The following PAM variants were observed in gnomAD, a reference collection of about 807,000 sequenced individuals.
PAM encodes peptidylglycine alpha-amidating monooxygenase, also known as peptidyl-glycine alpha-amidating monooxygenase.
In PAM, 72 loss-of-function variants were observed where a neutral mutation model predicts 122.1. The ratio of observed to expected loss-of-function variants is 0.59; its 90% confidence interval spans 0.49 to 0.72. PAM has a LOEUF of 0.72. Among genes scored for constraint, PAM ranks in the 30% least tolerant of loss-of-function variants. The probability of loss-of-function intolerance (pLI) is 0.00; values close to 1 mark genes in which losing one functional copy is unlikely to be tolerated. For missense variants in PAM, 1,106 were observed against 1,183.7 expected (o/e 0.93, Z 0.96); for synonymous variants, 389 against 404.4 (o/e 0.96, Z 0.46).
chr5:103,010,149 T>C (rs923323024), intron 21 of PAM, among the ~76,000 whole-genome samples: 1 of 152,206 alleles, frequency 6.6e-6, no homozygotes. Flanking sequence ...ATGGCAGGTT[T>C]TTAAATTCAC....
chr5:102,782,606 A>T (rs1759289303), intron 1 of PAM, among the ~76,000 whole-genome samples: 1 of 152,170 alleles, frequency 6.6e-6, no homozygotes, highest in Non-Finnish European at 1.5e-5. Flanking sequence ...GGATTTAGAG[A>T]TATTCCCAAA....
At chr5:102,879,239 T>A (rs1790216062) in intron 3 of PAM, among the ~76,000 whole-genome samples, 1 of 151,976 alleles carries the variant, frequency 6.6e-6, no homozygotes, top group African/African-American at 2.4e-5. Context: ...ACCAGAAAAA[T>A]GCTTAAATAA....
intron 3 of PAM, among the ~76,000 whole-genome samples, chr5:102,891,877 G>A (rs377057800): frequency 2.0e-5 from 3 of 151,860 alleles, no homozygotes; most frequent in Non-Finnish European, 4.4e-5. Flanking sequence ...ATCTACTGAT[G>A]AATAAACTTA....
chr5:103,001,640 A>C (rs751808981), intron 16 of PAM, among the ~76,000 whole-genome samples: 31 of 152,118 alleles, frequency 2.0e-4, no homozygotes, highest in Non-Finnish European at 4.0e-4. Context: ...ACTATACCCA[A>C]AAGACTGTAA....
intron 3 of PAM, among the ~76,000 whole-genome samples, chr5:102,868,626 C>T (rs1786363050): frequency 6.6e-6 from 1 of 152,150 alleles, no homozygotes; most frequent in Non-Finnish European, 1.5e-5. Flanking sequence ...AAGTGTGCCT[C>T]TTTTCTCACT....
At chr5:102,993,948 G>T (rs1774920609) in intron 16 of PAM, among the ~76,000 whole-genome samples, 2 of 152,106 alleles carry the variant, frequency 1.3e-5, no homozygotes, top group Admixed American at 1.3e-4. Context: ...CTGTGGCTTA[G>T]CCTGTGTCTT....
intron 1 of PAM, among the ~76,000 whole-genome samples, chr5:102,765,232 G>T (rs1276760274): frequency 6.6e-6 from 1 of 152,082 alleles, no homozygotes; most frequent in Non-Finnish European, 1.5e-5. Context: ...GAAAAGATTT[G>T]GCACCAGTAG....
intron 1 of PAM, among the ~76,000 whole-genome samples, chr5:102,771,780 A>G (rs1316723576): frequency 2.6e-5 from 4 of 152,114 alleles, no homozygotes; most frequent in Admixed American, 2.6e-4. Context: ...AGTTGAAAAT[A>G]ATGTTTTGTA....
chr5:102,783,828 C>A (rs116684409), intron 1 of PAM, among the ~76,000 whole-genome samples: 1 of 152,092 alleles, frequency 6.6e-6, no homozygotes. Flanking sequence ...CTCAGGAAGA[C>A]CTAATTGTAG....
intron 5 of PAM, among the ~76,000 whole-genome samples, chr5:102,918,979 C>T (rs540775659): frequency 4.6e-5 from 7 of 152,150 alleles, no homozygotes; most frequent in Admixed American, 1.3e-4. Flanking sequence ...TCTAATGACA[C>T]TTAGGACCAA....
chr5:102,953,432 G>A (rs1489142624), intron 12 of PAM, among the ~76,000 whole-genome samples: 1 of 152,144 alleles, frequency 6.6e-6, no homozygotes, highest in Non-Finnish European at 1.5e-5. Context: ...TCTGAAGGAT[G>A]TATTAAGTGA....
intron 8 of PAM, among the ~76,000 whole-genome samples, chr5:102,947,438 A>T (rs1757408886): frequency 6.6e-6 from 1 of 152,170 alleles, no homozygotes; most frequent in Admixed American, 6.6e-5. Flanking sequence ...AAAACCAAAC[A>T]TTGTATGTTC....
intron 24 of PAM, among the ~76,000 whole-genome samples, chr5:103,026,734 T>G (rs1338655303): frequency 6.6e-6 from 1 of 152,108 alleles, no homozygotes; most frequent in African/African-American, 2.4e-5. Flanking sequence ...TCAACCGAGC[T>G]CACAGAATAG....
At chr5:102,950,464 C>T (rs149505864) in intron 11 of PAM, among the ~76,000 whole-genome samples, 5 of 140,352 alleles carry the variant, frequency 3.6e-5, no homozygotes, top group Non-Finnish European at 6.1e-5. Flanking sequence ...TGTCTTCATC[C>T]TCTCTACCCA....
At chr5:103,005,518 C>T (rs1003828224) in intron 18 of PAM, among the ~76,000 whole-genome samples, 6 of 152,142 alleles carry the variant, frequency 3.9e-5, no homozygotes, top group Admixed American at 3.9e-4. Flanking sequence ...GGGTTATAGG[C>T]TGCTAATTTC....
At chr5:102,769,466 T>C (rs1755112718) in intron 1 of PAM, among the ~76,000 whole-genome samples, 1 of 152,158 alleles carries the variant, frequency 6.6e-6, no homozygotes, top group Admixed American at 6.6e-5. Flanking sequence ...TGTTTTCTTG[T>C]AGAAGTTTCA....
intron 9 of PAM, among the ~76,000 whole-genome samples, chr5:102,949,159 G>T (rs1230401098): frequency 6.6e-6 from 1 of 152,072 alleles, no homozygotes; most frequent in Non-Finnish European, 1.5e-5. Context: ...AACTGTCAAT[G>T]TAGTGATGTT....
At chr5:103,012,727 G>C (rs1050676808) in intron 21 of PAM, among the ~76,000 whole-genome samples, 5 of 151,954 alleles carry the variant, frequency 3.3e-5, no homozygotes, top group African/African-American at 1.2e-4. Flanking sequence ...ATAGTGGTGG[G>C]CGCCTGTAGT....
Position 102,845,607 on chromosome 5 carries a change from T to C in PAM, c.-373-20216T>C, listed in dbSNP as rs547370134. 6.6e-5 allele frequency among the ~76,000 whole-genome samples: 10 copies of C among 152,338 alleles called. No individual in the cohort carries two copies. The South Asian group carries it at 2.1e-3, about 32-fold the overall frequency. ...TTTGGGGATTCGATTTGTCCTGTTA[T>C]CTAAACTAATTAAGGTCAGAACATC... On this transcript the variant is annotated intron_variant, in intron 1 of 25. Transcript: ENST00000438793.
Sources: gnomAD v4.1 joint callset for allele counts (sites outside exome capture counted in the v4.1 genomes callset) on GRCh38, gnomAD v4.1.1 for gene constraint, MANE v1.5 for transcripts, NCBI Gene and HGNC (gene_info 2026-07-23, HGNC 2026-07-21) for gene names.